Variants in SOX5 observed in about 807,000 individuals in gnomAD.
SOX5 encodes the protein transcription factor SOX-5.
Under a neutral mutation model 92.0 loss-of-function variants are expected in SOX5, and 9 were observed. The observed-to-expected ratio is 0.10, with a 90% CI of 0.06 to 0.17. The LOEUF is 0.17. Among genes scored for constraint, SOX5 ranks in the 10% least tolerant of loss-of-function variants. The pLI is 1.00. For synonymous variants in SOX5, 344 were observed against 336.3 expected, an observed-to-expected ratio of 1.02 and a Z score of -0.25; for missense variants, 642 against 944.5, an observed-to-expected ratio of 0.68 and a Z score of 4.20.
At chr12:23,709,974 G>A (rs2091875353) in intron 6 of SOX5, among the ~76,000 whole-genome samples, 1 of 152,130 alleles carries the variant, frequency 6.6e-6, no homozygotes, top group Non-Finnish European at 1.5e-5. Context: ...AAAAGGAATG[G>A]ACTGTTTTGG....
At chr12:24,130,194 G>A (rs1170157380) in intron 4 of SOX5, among the ~76,000 whole-genome samples, 1 of 152,180 alleles carries the variant, frequency 6.6e-6, no homozygotes, top group East Asian at 1.9e-4. Context: ...TGAAAGCAGT[G>A]ATGTGAAAAT....
chr12:24,348,896 T>G (rs1471391065), intron 2 of SOX5, among the ~76,000 whole-genome samples: 1 of 152,188 alleles, frequency 6.6e-6, no homozygotes, highest in Non-Finnish European at 1.5e-5. Context: ...CTCTCTTGCC[T>G]GCTGCCATGT....
chr12:24,227,960 A>G (rs1262059204), intron 3 of SOX5: 1 of 152,258 alleles, frequency 6.6e-6, no homozygotes, highest in Non-Finnish European at 1.5e-5. Context: ...GCATACATAC[A>G]AAACTTATTT....
intron 4 of SOX5, among the ~76,000 whole-genome samples, chr12:24,191,702 G>A (rs532483689): frequency 4.3e-4 from 65 of 152,134 alleles, no homozygotes; most frequent in Non-Finnish European, 6.8e-4. Flanking sequence ...GTGACAACTG[G>A]GCCCTGATTC....
intron 3 of SOX5, among the ~76,000 whole-genome samples, chr12:23,759,526 C>T (rs749143004): frequency 5.3e-5 from 8 of 152,056 alleles, no homozygotes; most frequent in Non-Finnish European, 7.4e-5. Context: ...CAATACTCTA[C>T]TAACTGCTAG....
chr12:24,277,521 TATATG>T (rs1944621324), intron 2 of SOX5, among the ~76,000 whole-genome samples: 2 of 146,156 alleles, frequency 1.4e-5, no homozygotes, highest in East Asian at 4.0e-4. Flanking sequence ...AATATATATT[TATATG>T]TATATAATTT....
chr12:24,046,672 C>CTTTTT (rs61416662), intron 4 of SOX5, among the ~76,000 whole-genome samples: 4 of 126,752 alleles, frequency 3.2e-5, no homozygotes, highest in African/African-American at 5.8e-5. Context: ...TAAAATGTGT[C>CTTTTT]TTTTTTTTTT....
chr12:24,467,525 GA>G (rs56238719), intron 1 of SOX5, among the ~76,000 whole-genome samples: 17,058 of 151,416 alleles, frequency 0.11, 978 homozygotes, highest in Middle Eastern at 0.2. Flanking sequence ...TGGAAGCAGA[GA>G]AAAAAAAATT....
At chr12:23,803,333 C>G (rs1019867217) in intron 3 of SOX5, among the ~76,000 whole-genome samples, 13 of 152,180 alleles carry the variant, frequency 8.5e-5, no homozygotes, top group Non-Finnish European at 1.8e-4. Context: ...TGCTCTCTTA[C>G]AACAGTTAAT....
chr12:23,948,916 C>T (rs551697870), intron 1 of SOX5, among the ~76,000 whole-genome samples: 1 of 152,222 alleles, frequency 6.6e-6, no homozygotes, highest in South Asian at 2.1e-4. Flanking sequence ...ACAGCTAACA[C>T]AAAAAGTGGC....
rs574115 is a variant in SOX5, at chr12:24,339,559, A to T, written c.-174+29004T>A. 1.0e-3 allele frequency among the ~76,000 whole-genome samples: 152 copies of T among 152,150 alleles called. 2 individuals are homozygous for T. In the East Asian group the frequency reaches 0.028, roughly 28 times the overall value. The stretch of plus-strand genomic sequence containing the variant: ...CTCAGTGCACTGGGAGCCATCGAAG[A>T]GTTCTGTAGAAGAGAGAATCAAATC... On this transcript the variant is annotated intron_variant, in intron 2 of 4. Transcript: ENST00000446891.
At chr12:23,748,795 GGTA>G (rs2094086270) in intron 4 of SOX5, among the ~76,000 whole-genome samples, 1 of 151,784 alleles carries the variant, frequency 6.6e-6, no homozygotes, top group Non-Finnish European at 1.5e-5. Flanking sequence ...ACTTTCAACT[GGTA>G]TTCCACTTGA....
At chr12:23,561,831 G>A (rs919658379) in intron 11 of SOX5, among the ~76,000 whole-genome samples, 6 of 150,406 alleles carry the variant, frequency 4.0e-5, no homozygotes, top group Non-Finnish European at 7.4e-5. Context: ...AAAAAAAAAA[G>A]GGTACAGATG....
At chr12:23,744,006 A>G (rs543532485) in intron 4 of SOX5, among the ~76,000 whole-genome samples, 2 of 152,332 alleles carry the variant, frequency 1.3e-5, no homozygotes, top group South Asian at 2.1e-4. Context: ...CAAAATTTCT[A>G]ATTTTATAGT....
At chr12:24,434,937 T>TA (rs1443923532) in intron 1 of SOX5, among the ~76,000 whole-genome samples, 2 of 152,256 alleles carry the variant, frequency 1.3e-5, no homozygotes, top group Admixed American at 1.3e-4. Flanking sequence ...GTCCCTCAAA[T>TA]ACCTAGCAGA....
intron 1 of SOX5, among the ~76,000 whole-genome samples, chr12:24,419,120 G>A (rs539245381): frequency 1.8e-4 from 28 of 152,158 alleles, no homozygotes; most frequent in South Asian, 1.5e-3. Flanking sequence ...GCACCTAGGA[G>A]AAGAAAGATT....
intron 10 of SOX5, among the ~76,000 whole-genome samples, chr12:23,575,147 A>G (rs1948922054): frequency 6.6e-6 from 1 of 152,184 alleles, no homozygotes; most frequent in African/African-American, 2.4e-5. Context: ...ATGCTACTGA[A>G]TTTACAATTA....
rs201197147 is a variant in SOX5, at chr12:23,777,593, GCA to G, written c.482-21871_482-21870del. Among the ~76,000 whole-genome samples the G allele has an allele frequency of 3.7e-3, 568 of 151,938 alleles. 8 individuals carry two copies. Among genetic ancestry groups the G allele is most frequent in the African/African-American group, 0.013 (540 of 41,400 alleles). On this transcript the variant is annotated intron_variant, in intron 3 of 14. Transcript: ENST00000451604. ...ACACACACAATACATACCTTTCTTT[GCA>G]CAGTCTAACTTATATATGCATGCAT...
At chr12:23,596,003 C>G (rs1165467407) in intron 9 of SOX5, among the ~76,000 whole-genome samples, 1 of 152,162 alleles carries the variant, frequency 6.6e-6, no homozygotes, top group African/African-American at 2.4e-5. Context: ...TATTGCGAGA[C>G]TCTAGGCAGA....
Sources: gnomAD v4.1 joint callset for allele counts (sites outside exome capture counted in the v4.1 genomes callset) on GRCh38, gnomAD v4.1.1 for gene constraint, MANE v1.5 for transcripts, NCBI Gene and HGNC (gene_info 2026-07-23, HGNC 2026-07-21) for gene names.